The following CDH12 variants were observed in gnomAD, a reference collection of about 807,000 sequenced individuals.
CDH12 encodes the protein cadherin-12.
A neutral mutation model predicts 74.1 loss-of-function variants in CDH12; 41 were observed. That is an observed-to-expected ratio of 0.55 (90% CI 0.43 to 0.72). CDH12 has a LOEUF of 0.72. Among genes scored for constraint, CDH12 ranks in the 30% least tolerant of loss-of-function variants. The pLI is 0.00. For missense variants in CDH12, 945 were observed against 977.2 expected (o/e 0.97, Z 0.44); for synonymous variants, 399 against 355.0 (o/e 1.12, Z -1.39).
intron 2 of CDH12, among the ~76,000 whole-genome samples, chr5:22,428,801 A>G (rs151188439): frequency 5.3e-4 from 81 of 152,244 alleles, no homozygotes; most frequent in Non-Finnish European, 1.0e-3. Flanking sequence ...CTCTTCTAGC[A>G]TATCCACACA....
At chr5:22,681,225 G>C (rs1325075467) in intron 1 of CDH12, among the ~76,000 whole-genome samples, 1 of 57,238 alleles carries the variant, frequency 1.7e-5, no homozygotes. Flanking sequence ...CTGGGTATTG[G>C]GGGGTGTGTG....
At chr5:21,931,651 T>A (rs760059659) in intron 6 of CDH12, among the ~76,000 whole-genome samples, 1 of 152,240 alleles carries the variant, frequency 6.6e-6, no homozygotes, top group East Asian at 1.9e-4. Context: ...TCCCACATTA[T>A]GGTTTAAGTT....
At chr5:21,936,552 A>G (rs2150085863) in intron 6 of CDH12, among the ~76,000 whole-genome samples, 1 of 152,310 alleles carries the variant, frequency 6.6e-6, no homozygotes, top group South Asian at 2.1e-4. Flanking sequence ...ATAGCTACAA[A>G]TTTTGATAAG....
At chr5:22,045,615 A>C (rs969997171) in intron 5 of CDH12, among the ~76,000 whole-genome samples, 8 of 151,964 alleles carry the variant, frequency 5.3e-5, no homozygotes, top group Non-Finnish European at 7.4e-5. Context: ...AAAAAAAAAA[A>C]AACAATAAAA....
intron 1 of CDH12, among the ~76,000 whole-genome samples, chr5:22,571,567 T>C (rs1483985825): frequency 1.3e-5 from 2 of 152,244 alleles, no homozygotes; most frequent in African/African-American, 4.8e-5. Flanking sequence ...CCTCAGGTGT[T>C]CCACCCGCCT....
At chr5:22,007,958 A>G (rs1737062141) in intron 5 of CDH12, among the ~76,000 whole-genome samples, 1 of 152,060 alleles carries the variant, frequency 6.6e-6, no homozygotes, top group South Asian at 2.1e-4. Context: ...ATGTTTTGAG[A>G]TTGAGAGAAA....
intron 3 of CDH12, among the ~76,000 whole-genome samples, chr5:22,213,951 G>T (rs953350684): frequency 6.6e-6 from 1 of 151,886 alleles, no homozygotes; most frequent in African/African-American, 2.4e-5. Flanking sequence ...GCTTGCGTGT[G>T]TGTGTGAGAA....
rs1278022981 is a variant in CDH12 at position 22,132,558 on chromosome 5, C to T, written c.-186-53696G>A. Among the ~76,000 whole-genome samples the T allele has an allele frequency of 3.4e-4, 52 of 151,282 alleles. 1 individual carries two copies. Among genetic ancestry groups the T allele is most frequent in the Admixed American group, 3.0e-3 (46 of 15,132 alleles). On this transcript the variant is annotated intron_variant, in intron 4 of 14. Transcript: ENST00000382254. ...CTAGGAGAGGAAGAAATAACAAACT[C>T]CTTAAGAACAACAGGAGGGGGAAAC...
chr5:22,134,850 T>G (rs1217949335), intron 4 of CDH12, among the ~76,000 whole-genome samples: 1 of 150,864 alleles, frequency 6.6e-6, no homozygotes, highest in Non-Finnish European at 1.5e-5. Context: ...TCATTATTAA[T>G]TACAGCAACA....
intron 2 of CDH12, among the ~76,000 whole-genome samples, chr5:22,473,693 T>C (rs949396123): frequency 2.6e-5 from 4 of 152,174 alleles, no homozygotes; most frequent in African/African-American, 7.2e-5. Flanking sequence ...TCCTAACTAA[T>C]GTGATCACAT....
Position 22,692,580 on chromosome 5 carries a change from T to C in CDH12, c.-523+160478A>G, listed in dbSNP as rs117541504. On this transcript the variant is annotated intron_variant, in intron 1 of 14. Transcript: ENST00000382254. The stretch of plus-strand genomic sequence containing the variant: ...GAAGGATTTTAAAGTTCAATTAGTT[T>C]AGTTCTTCCTTGGGCTACAAATGGG... Among the ~76,000 whole-genome samples the C allele has an allele frequency of 2.9e-4, 44 of 152,314 alleles. No individual in the cohort carries two copies. In the East Asian group the frequency reaches 4.8e-3, roughly 17 times the overall value.
At chr5:22,462,533 GCTGC>G (rs1455769517) in intron 2 of CDH12, among the ~76,000 whole-genome samples, 18 of 152,158 alleles carry the variant, frequency 1.2e-4, no homozygotes, top group Admixed American at 1.1e-3. Flanking sequence ...ATCGTGGCAG[GCTGC>G]CTACTGTGGT....
chr5:22,540,353 G>A (rs1003119988), intron 1 of CDH12, among the ~76,000 whole-genome samples: 1 of 151,900 alleles, frequency 6.6e-6, no homozygotes, highest in Non-Finnish European at 1.5e-5. Flanking sequence ...TTCCAAATAA[G>A]CCATTTTAAG....
chr5:22,387,004 G>A (rs887470962), intron 3 of CDH12, among the ~76,000 whole-genome samples: 4 of 151,820 alleles, frequency 2.6e-5, no homozygotes, highest in South Asian at 4.2e-4. Flanking sequence ...GAGTCAATAC[G>A]AATAGAATCA....
intron 4 of CDH12, among the ~76,000 whole-genome samples, chr5:22,090,590 C>T (rs1406603159): frequency 7.1e-6 from 1 of 141,594 alleles, no homozygotes; most frequent in African/African-American, 2.8e-5. Flanking sequence ...AAGATAAACA[C>T]ACACACATAC....
Position 22,846,843 on chromosome 5 carries a change from A to G in CDH12, c.-523+6215T>C, listed in dbSNP as rs368159234. On this transcript the variant is annotated intron_variant, in intron 1 of 14. Transcript: ENST00000382254. The stretch of plus-strand genomic sequence containing the variant: ...TCACATGCCATATATTTTCATTTAT[A>G]CCTCTTTCCCTCATCACTGGTGTTA... Among the ~76,000 whole-genome samples the G allele has an allele frequency of 7.2e-5, 11 of 152,132 alleles. No individual in the cohort carries two copies. In the East Asian group the frequency reaches 2.1e-3, roughly 29 times the overall value.
chr5:22,478,138 G>T (rs1746241049), intron 2 of CDH12, among the ~76,000 whole-genome samples: 1 of 151,934 alleles, frequency 6.6e-6, no homozygotes, highest in South Asian at 2.1e-4. Flanking sequence ...TGAAAAATAG[G>T]CCAGGCACGG....
chr5:22,009,843 T>C (rs1269803405), intron 5 of CDH12, among the ~76,000 whole-genome samples: 5 of 141,466 alleles, frequency 3.5e-5, no homozygotes, highest in African/African-American at 1.3e-4. Context: ...CTGAGCGTGG[T>C]GGCGGTTGCC....
chr5:22,533,975 C>A (rs1426022720), intron 1 of CDH12, among the ~76,000 whole-genome samples: 1 of 152,058 alleles, frequency 6.6e-6, no homozygotes, highest in Non-Finnish European at 1.5e-5. Flanking sequence ...ATAAAATATG[C>A]AATAAGAACC....
Sources: allele counts gnomAD v4.1 joint callset (sites outside exome capture counted in the v4.1 genomes callset), GRCh38; gene constraint gnomAD v4.1.1; transcripts MANE v1.5; gene names NCBI Gene and HGNC (gene_info 2026-07-23, HGNC 2026-07-21).